POLN: variants seen among roughly 807,000 people sequenced by gnomAD.
POLN encodes DNA polymerase N.
In POLN, 108 loss-of-function variants were observed where a neutral mutation model predicts 113.5. The observed-to-expected ratio is 0.95, with a 90% CI of 0.81 to 1.12. POLN has a LOEUF of 1.12. POLN is among the 50% of genes most tolerant of loss of function. The pLI is 0.00. For synonymous variants in POLN, 386 were observed against 391.5 expected (o/e 0.99, Z 0.17); for missense variants, 1,097 against 1,077.1 (o/e 1.02, Z -0.26).
intron 7 of POLN, among the ~76,000 whole-genome samples, chr4:2,183,167 A>G (rs1733185415): frequency 6.6e-6 from 1 of 152,236 alleles, no homozygotes; most frequent in Non-Finnish European, 1.5e-5. Context: ...CGTATTGGGC[A>G]AGGATGTGGG....
At chr4:2,100,078 A>G (rs1730887248) in intron 19 of POLN, among the ~76,000 whole-genome samples, 1 of 150,536 alleles carries the variant, frequency 6.6e-6, no homozygotes, top group South Asian at 2.1e-4. Flanking sequence ...TCAAAAAAGA[A>G]AAAAAAAGAA....
chr4:2,240,152 C>A, intron 2 of POLN: 1 of 1,613,678 alleles, frequency 6.2e-7, no homozygotes, highest in Admixed American at 1.7e-5. Flanking sequence ...ATGCGAGCTG[C>A]AGTCTAGCCA....
At chr4:2,240,503 C>G in intron 2 of POLN, 1 of 1,613,934 alleles carries the variant, frequency 6.2e-7, no homozygotes, top group South Asian at 1.1e-5. Context: ...GACTCTGCTT[C>G]AGCTTTTTAG....
chr4:2,211,262 TAA>T (rs1733987088), intron 4 of POLN, among the ~76,000 whole-genome samples: 1 of 125,280 alleles, frequency 8.0e-6, no homozygotes, highest in South Asian at 2.3e-4. Flanking sequence ...ATAATAATAA[TAA>T]TAATAATAAT....
intron 7 of POLN, 138 bp from the exon 8 acceptor site, chr4:2,179,603 C>G: frequency 1.1e-6 from 1 of 910,606 alleles, no homozygotes; most frequent in Non-Finnish European, 1.7e-6. Flanking sequence ...ACCAAAGTGA[C>G]TTTCCATTAT....
At chr4:2,187,877 A>G (rs1733318633) in intron 7 of POLN, among the ~76,000 whole-genome samples, 1 of 152,138 alleles carries the variant, frequency 6.6e-6, no homozygotes, top group African/African-American at 2.4e-5. Context: ...TTGGGAGCCC[A>G]AGGCAGGAGG....
intron 9 of POLN, 75 bp downstream of exon 9, chr4:2,176,191 T>C: frequency 8.3e-7 from 1 of 1,201,138 alleles, no homozygotes; most frequent in Non-Finnish European, 1.2e-6. Flanking sequence ...TCAAACTCCC[T>C]GGGAGTGCGG....
intron 19 of POLN, among the ~76,000 whole-genome samples, chr4:2,125,693 C>T (rs1731561050): frequency 6.6e-6 from 1 of 152,084 alleles, no homozygotes; most frequent in Non-Finnish European, 1.5e-5. Context: ...ATGGGCTGAG[C>T]GGAGATAACA....
chr4:2,186,828 T>C lies in POLN; in HGVS notation c.1021+6376A>G, dbSNP rs117077471. The stretch of plus-strand genomic sequence containing the variant: ...GACAGTGAAGCTCTTTGATCAAGAA[T>C]TCAAAATTGCAGTTTTAAGGAAACT... On this transcript the variant is annotated intron_variant, in intron 7 of 25. Coordinates refer to ENST00000511885, the MANE Select transcript of POLN (RefSeq NM_181808.4). 5.5e-4 allele frequency among the ~76,000 whole-genome samples: 84 copies of C among 152,264 alleles called. 2 individuals carry two copies. The East Asian group carries it at 0.015, about 27-fold the overall frequency.
intron 19 of POLN, among the ~76,000 whole-genome samples, chr4:2,109,956 T>C (rs1731152431): frequency 6.6e-6 from 1 of 152,216 alleles, no homozygotes; most frequent in Non-Finnish European, 1.5e-5. Context: ...TCTTTTGGTA[T>C]TGTTTTAGAG....
intron 21 of POLN, among the ~76,000 whole-genome samples, chr4:2,082,384 G>A (rs1249546321): frequency 6.6e-6 from 1 of 152,194 alleles, no homozygotes; most frequent in Non-Finnish European, 1.5e-5. Flanking sequence ...TGGACTGTGT[G>A]GGATGGAGGA....
intron 7 of POLN, among the ~76,000 whole-genome samples, chr4:2,185,803 A>C (rs2108753701): frequency 6.6e-6 from 1 of 152,328 alleles, no homozygotes; most frequent in Admixed American, 6.5e-5. Context: ...CCCCAGTTAA[A>C]ACAAACTGTA....
chr4:2,170,588 TGA>T (rs1560080839), intron 13 of POLN, 89 bp downstream of exon 13: 1 of 1,117,966 alleles, frequency 8.9e-7, no homozygotes. Context: ...GGGGACGGCC[TGA>T]GAGTCTCGGG....
intron 4 of POLN, 145 bp downstream of exon 4, chr4:2,212,896 AAACTAT>A: frequency 2.2e-6 from 1 of 455,870 alleles, no homozygotes; most frequent in Admixed American, 4.3e-5. Flanking sequence ...CATCCAAATT[AAACTAT>A]AAGTTCTTGG....
At chr4:2,167,546 G>C (rs1732758935) in intron 13 of POLN, among the ~76,000 whole-genome samples, 1 of 152,158 alleles carries the variant, frequency 6.6e-6, no homozygotes. Context: ...AGAACCCTGA[G>C]GTGAGTGTCA....
At chr4:2,211,250 AAATAAT>A (rs71167780) in intron 4 of POLN, among the ~76,000 whole-genome samples, 10,993 of 139,726 alleles carry the variant, frequency 0.079, 854 homozygotes, top group African/African-American at 0.2. Flanking sequence ...CTCCGTCTCC[AAATAAT>A]AATAATAATA....
chr4:2,120,115 GT>G (rs1387058113), intron 19 of POLN, among the ~76,000 whole-genome samples: 1 of 152,146 alleles, frequency 6.6e-6, no homozygotes, highest in African/African-American at 2.4e-5. Flanking sequence ...TGATCAGAAG[GT>G]GCCTATCCTT....
chr4:2,179,134 C>T (rs1407990276), intron 8 of POLN, among the ~76,000 whole-genome samples, 174 bp downstream of exon 8: 2 of 152,214 alleles, frequency 1.3e-5, no homozygotes, highest in Non-Finnish European at 2.9e-5. Flanking sequence ...CATCACCTAT[C>T]CTTATTCAAC....
chr4:2,166,330 A>G (rs1335966551), intron 13 of POLN, among the ~76,000 whole-genome samples: 1 of 152,092 alleles, frequency 6.6e-6, no homozygotes. Flanking sequence ...GCACTTCCTG[A>G]TCTTCGAGCT....
Sources: allele counts gnomAD v4.1 joint callset (sites outside exome capture counted in the v4.1 genomes callset), GRCh38; gene constraint gnomAD v4.1.1; transcripts MANE v1.5; gene names NCBI Gene and HGNC (gene_info 2026-07-23, HGNC 2026-07-21).